TMCC1: variants seen among roughly 807,000 people sequenced by gnomAD.
TMCC1 encodes the protein transmembrane and coiled-coil domains protein 1.
TMCC1 carries 15 observed loss-of-function variants against 52.4 expected under a neutral mutation model. The observed-to-expected ratio is 0.29, with a 90% CI of 0.19 to 0.44. The LOEUF (loss-of-function observed/expected upper bound fraction) is 0.44, where lower values mean the gene tolerates loss of function less well. TMCC1 is among the 20% of genes least tolerant of loss of function. The pLI, the probability that TMCC1 is intolerant of heterozygous loss-of-function variation, is 1.00. For missense variants in TMCC1, 503 were observed against 806.0 expected (o/e 0.62, Z 4.55); for synonymous variants, 279 against 301.9 (o/e 0.92, Z 0.79).
At chr3:129,854,103 C>T (rs969792035) in intron 2 of TMCC1, among the ~76,000 whole-genome samples, 5 of 152,002 alleles carry the variant, frequency 3.3e-5, no homozygotes, top group Admixed American at 6.6e-5. Flanking sequence ...GTGTTCTTAT[C>T]AAAAAAGCAC....
chr3:129,764,555 G>A (rs575807363), intron 4 of TMCC1, among the ~76,000 whole-genome samples: 39 of 152,066 alleles, frequency 2.6e-4, no homozygotes, highest in African/African-American at 8.7e-4. Flanking sequence ...TTCCTGTCAA[G>A]CAGAACTGTA....
At chr3:129,687,262 C>G (rs539884437) in intron 4 of TMCC1, among the ~76,000 whole-genome samples, 2 of 151,876 alleles carry the variant, frequency 1.3e-5, no homozygotes, top group Non-Finnish European at 2.9e-5. Flanking sequence ...TAACACCTGC[C>G]TAAGTTAGGA....
Position 129,670,482 on chromosome 3 carries a change from G to T in TMCC1, c.1359C>A (p.Asp453Glu). 1 of 1,614,180 alleles carries T rather than the reference G, an allele frequency of 6.2e-7. No individual in the cohort carries two copies. The highest frequency in any genetic ancestry group is 8.5e-7 in the Non-Finnish European group (1 of 1,180,020). Reference protein sequence around the residue: ...GASSSKTNTLDMQSSGFDALL... With the variant: ...GASSSKTNTLEMQSSGFDALL... Reference sequence around the variant, plus strand: ...GTGCATCAAATCCTGAGCTCTGCATGTCCAGGGTGTTTGTTTTGGAGCTGG... The same window carrying T: ...GTGCATCAAATCCTGAGCTCTGCATTTCCAGGGTGTTTGTTTTGGAGCTGG... The change falls in exon 5 of 7, where the codon GAC becomes GAA. Residue 453 changes from aspartate (D) to glutamate (E), a missense_variant. Physicochemically the swap from Asp to Glu is conservative, Grantham distance 45. Transcript: ENST00000393238.
At chr3:129,685,995 T>C (rs1318894088) in intron 4 of TMCC1, among the ~76,000 whole-genome samples, 1 of 152,196 alleles carries the variant, frequency 6.6e-6, no homozygotes, top group Non-Finnish European at 1.5e-5. Context: ...TCCATCATAA[T>C]ACACAACACT....
At chr3:129,803,134 A>G (rs2057287538) in intron 4 of TMCC1, among the ~76,000 whole-genome samples, 1 of 152,238 alleles carries the variant, frequency 6.6e-6, no homozygotes, top group Admixed American at 6.5e-5. Context: ...TGACATAATC[A>G]TTTTAAAGGT....
At chr3:129,748,763 G>A (rs2052224848) in intron 4 of TMCC1, among the ~76,000 whole-genome samples, 1 of 152,078 alleles carries the variant, frequency 6.6e-6, no homozygotes, top group African/African-American at 2.4e-5. Context: ...AGCACTTTGG[G>A]AGGCTGAGGC....
In TMCC1 at chr3:129,828,116, G is replaced by T; in HGVS notation, c.263C>A (p.Ala88Glu). The change falls in exon 4 of 7, where the codon GCA becomes GAA. Residue 88 changes from alanine to glutamate, a missense_variant. Physicochemically the swap from Ala to Glu is moderately radical, Grantham distance 107. Coordinates refer to ENST00000393238, the MANE Select transcript of TMCC1 (RefSeq NM_001017395.5). This position sits in a 1 kb window ranked among gnomAD's most constrained non-coding sequence, Gnocchi z 4.1. ...EPEMDLESQN[A>E]CAEIDGVPTH... ...GGGGACACCATCAATCTCAGCACAT[G>T]CGTTCTGGCTTTCCAGATCCATTTC... is the stretch of plus-strand genomic sequence containing the variant. 6.2e-7 allele frequency: 1 copy of T among 1,614,162 alleles called. No homozygotes were observed.
intron 2 of TMCC1, among the ~76,000 whole-genome samples, chr3:129,856,636 TACA>T (rs2060158427): frequency 6.6e-6 from 1 of 152,204 alleles, no homozygotes; most frequent in Non-Finnish European, 1.5e-5. Flanking sequence ...AACAATGTTA[TACA>T]ACGTCATGAA....
chr3:129,749,469 G>A (rs2052301630), intron 4 of TMCC1, among the ~76,000 whole-genome samples: 1 of 152,066 alleles, frequency 6.6e-6, no homozygotes, highest in African/African-American at 2.4e-5. Context: ...AGATAGGTAT[G>A]AGATGCTTAA....
At chr3:129,689,734 C>T (rs1255036392) in intron 4 of TMCC1, among the ~76,000 whole-genome samples, 1 of 152,182 alleles carries the variant, frequency 6.6e-6, no homozygotes, top group Non-Finnish European at 1.5e-5. Context: ...TCCAAAGCAC[C>T]TTGAATGAAT....
chr3:129,874,277 G>A (rs545572352), intron 2 of TMCC1, among the ~76,000 whole-genome samples: 2 of 152,182 alleles, frequency 1.3e-5, no homozygotes, highest in Non-Finnish European at 2.9e-5. Context: ...TTTCTACAAA[G>A]TACCTAAAAA....
At chr3:129,886,848 A>G (rs961466352) in intron 1 of TMCC1, among the ~76,000 whole-genome samples, 1 of 151,952 alleles carries the variant, frequency 6.6e-6, no homozygotes, top group African/African-American at 2.4e-5. Flanking sequence ...GAGGCAGGAG[A>G]ATCCCTGGAA....
chr3:129,844,561 T>C (rs1198733081), intron 2 of TMCC1, among the ~76,000 whole-genome samples: 1 of 152,194 alleles, frequency 6.6e-6, no homozygotes, highest in Admixed American at 6.5e-5. Flanking sequence ...AGAGTTTGCA[T>C]TGGTAGTTTT....
intron 5 of TMCC1, among the ~76,000 whole-genome samples, chr3:129,664,052 C>T (rs1046206195): frequency 1.3e-5 from 2 of 152,252 alleles, no homozygotes; most frequent in South Asian, 2.1e-4. Flanking sequence ...TCCTCTTTAG[C>T]GGCTAAACGC....
chr3:129,691,196 A>C (rs1421098741), intron 4 of TMCC1, among the ~76,000 whole-genome samples: 3 of 152,252 alleles, frequency 2.0e-5, no homozygotes, highest in Non-Finnish European at 4.4e-5. Flanking sequence ...TGAGATATCA[A>C]AACATTATCC....
intron 1 of TMCC1, among the ~76,000 whole-genome samples, chr3:129,886,225 T>A (rs1459267558): frequency 6.6e-6 from 1 of 152,186 alleles, no homozygotes; most frequent in African/African-American, 2.4e-5. Context: ...TGTTACCCTA[T>A]CTGGACCAAA....
At chr3:129,810,357 AC>A (rs1390094208) in intron 4 of TMCC1, among the ~76,000 whole-genome samples, 9 of 151,924 alleles carry the variant, frequency 5.9e-5, no homozygotes, top group Non-Finnish European at 1.3e-4. Context: ...CCCAAAAAAA[AC>A]AAAACAAAAC....
In TMCC1 at chr3:129,660,203, AG is replaced by A. The variant is rs1484316692; in HGVS notation, c.1512-5101del. 3.3e-5 allele frequency among the ~76,000 whole-genome samples: 5 copies of A among 152,284 alleles called. No homozygotes were observed. The East Asian group carries it at 9.6e-4, about 29-fold the overall frequency. On this transcript the variant is annotated intron_variant, in intron 5 of 6. Coordinates refer to ENST00000393238, the MANE Select transcript of TMCC1 (RefSeq NM_001017395.5). ...TTCTCTGTCGCCCAGGTTGGAGTGC[AG>A]TGGCGTGATCGTGGCTCATTGTGGT...
chr3:129,773,762 T>C (rs887951073), intron 4 of TMCC1, among the ~76,000 whole-genome samples: 17 of 152,106 alleles, frequency 1.1e-4, no homozygotes, highest in African/African-American at 3.9e-4. Context: ...CAGGGCAATA[T>C]AGTGAGACCC....
Sources: allele counts gnomAD v4.1 joint callset (sites outside exome capture counted in the v4.1 genomes callset), GRCh38; gene constraint gnomAD v4.1.1; non-coding constraint Gnocchi (gnomAD v3.1); transcripts MANE v1.5; gene names NCBI Gene and HGNC (gene_info 2026-07-23, HGNC 2026-07-21).